PPP1R12B: variants seen among roughly 807,000 people sequenced by gnomAD.
PPP1R12B encodes myosin phosphatase target subunit 2.
A neutral mutation model predicts 126.1 loss-of-function variants in PPP1R12B; 76 were observed. The observed-to-expected ratio is 0.60, with a 90% CI of 0.50 to 0.73. The LOEUF (loss-of-function observed/expected upper bound fraction) is 0.73, where lower values mean the gene tolerates loss of function less well. PPP1R12B is among the 30% of genes least tolerant of loss of function. The probability of loss-of-function intolerance (pLI) is 0.00; values close to 1 mark genes in which losing one functional copy is unlikely to be tolerated. For missense variants in PPP1R12B, 1,052 were observed against 1,205.1 expected, an observed-to-expected ratio of 0.87 and a Z score of 1.88; for synonymous variants, 356 against 434.7, an observed-to-expected ratio of 0.82 and a Z score of 2.25.
chr1:202,449,069 T>A lies in PPP1R12B; in HGVS notation c.1748T>A (p.Ile583Asn). Residue 583 changes from isoleucine to asparagine, a missense_variant, in exon 13 of 24, where the codon ATC becomes AAC. Transcript: ENST00000608999. ...NVSSSTPLCVITNRPLPSTAN... is the reference protein window; with the variant it reads ...NVSSSTPLCVNTNRPLPSTAN... ...TCTTCTAGCACCCCGCTCTGTGTGA[T>A]CACCAATCGCCCTCTTCCTAGCACT... The A allele has an allele frequency of 6.2e-7, 1 of 1,613,876 alleles. No homozygotes were observed.
In PPP1R12B at chr1:202,390,086, T is replaced by C. The variant is rs189757914; in HGVS notation, c.292-26701T>C. 6.6e-5 allele frequency among the ~76,000 whole-genome samples: 10 copies of C among 152,224 alleles called. No homozygotes were observed. The Middle Eastern group carries it at 0.01, about 155-fold the overall frequency. ...AGACAGTGTGGTATCAGCACAAAGGTAGACAAGTACATCAATGGAATAGAA... is the reference window on the plus strand; with the variant it reads ...AGACAGTGTGGTATCAGCACAAAGGCAGACAAGTACATCAATGGAATAGAA... On this transcript the variant is annotated intron_variant, in intron 1 of 23. Coordinates refer to ENST00000608999, the MANE Select transcript of PPP1R12B (RefSeq NM_002481.4).
chr1:202,381,800 C>T (rs1417837457), intron 1 of PPP1R12B, among the ~76,000 whole-genome samples: 2 of 152,056 alleles, frequency 1.3e-5, no homozygotes, highest in East Asian at 1.9e-4. Flanking sequence ...TTCTCATGGA[C>T]TAGTGAGTAG....
At chr1:202,502,048 T>C in intron 18 of PPP1R12B, 4 of 985,276 alleles carry the variant, frequency 4.1e-6, no homozygotes, top group Non-Finnish European at 4.8e-6. Flanking sequence ...TTTCATACTT[T>C]TCTTTTCCCC....
At chr1:202,558,768 G>T in intron 18 of PPP1R12B, 109 bp from the exon 19 acceptor site, 2 of 713,468 alleles carry the variant, frequency 2.8e-6, no homozygotes, top group Non-Finnish European at 4.7e-6. Context: ...TCAGCCATCT[G>T]ATTTGAAAAG....
At chr1:202,413,182 G>T (rs2696962) in intron 1 of PPP1R12B, among the ~76,000 whole-genome samples, 147,659 of 151,928 alleles carry the variant, frequency 0.97, 71,848 homozygotes, top group East Asian at 1. Context: ...TAGATTGACA[G>T]TTTTAGCTAA....
At chr1:202,392,194 G>A (rs1356699033) in intron 1 of PPP1R12B, among the ~76,000 whole-genome samples, 2 of 152,018 alleles carry the variant, frequency 1.3e-5, no homozygotes, top group Non-Finnish European at 2.9e-5. Flanking sequence ...AATGTTAATG[G>A]CAGCATTATT....
At chr1:202,503,640 G>A (rs1386394126) in intron 18 of PPP1R12B, among the ~76,000 whole-genome samples, 1 of 152,206 alleles carries the variant, frequency 6.6e-6, no homozygotes, top group Non-Finnish European at 1.5e-5. Context: ...AAATTGAGGA[G>A]AAGGGGAAGA....
chr1:202,384,419 A>G (rs1662805999), intron 1 of PPP1R12B, among the ~76,000 whole-genome samples: 1 of 152,266 alleles, frequency 6.6e-6, no homozygotes, highest in Non-Finnish European at 1.5e-5. Flanking sequence ...ATAGACCATG[A>G]AAACATTACG....
At chr1:202,423,287 C>G (rs555504370) in intron 3 of PPP1R12B, among the ~76,000 whole-genome samples, 6 of 152,086 alleles carry the variant, frequency 3.9e-5, no homozygotes, top group African/African-American at 7.2e-5. Flanking sequence ...ATTTTTCAAC[C>G]TGGAAGTCCC....
chr1:202,543,110 T>C (rs112594126), intron 18 of PPP1R12B, among the ~76,000 whole-genome samples: 2 of 152,072 alleles, frequency 1.3e-5, no homozygotes, highest in African/African-American at 4.8e-5. Flanking sequence ...AGAGAATATT[T>C]TGGACACTGT....
At chr1:202,485,011 G>A (rs1677887197) in intron 13 of PPP1R12B, among the ~76,000 whole-genome samples, 1 of 152,218 alleles carries the variant, frequency 6.6e-6, no homozygotes, top group East Asian at 1.9e-4. Flanking sequence ...TGGTTCTGCA[G>A]CGGTCTGAGG....
At chr1:202,531,473 T>A (rs1683941311) in intron 18 of PPP1R12B, among the ~76,000 whole-genome samples, 1 of 152,148 alleles carries the variant, frequency 6.6e-6, no homozygotes, top group African/African-American at 2.4e-5. Context: ...TTACAGTACT[T>A]TGTATATCCC....
At position 202,428,775 on chromosome 1, in the gene PPP1R12B, T is replaced by G. The variant is rs1024060312; in HGVS notation, c.847-80T>G. On this transcript the variant is annotated intron_variant, in intron 5 of 23. Transcript: ENST00000608999. ...TGGAGTCAAAGGCAAAAAGTGACTTTTGAATAGTTCCCTACTAATAAAGTC... is the reference window on the plus strand; with the variant it reads ...TGGAGTCAAAGGCAAAAAGTGACTTGTGAATAGTTCCCTACTAATAAAGTC... 16 of 1,375,892 alleles carry G rather than the reference T, an allele frequency of 1.2e-5. No homozygotes were observed. The African/African-American group carries it at 2.0e-4, about 18-fold the overall frequency. 85.2% of individuals were successfully genotyped at this position (1,375,892 alleles called of 1,614,324 possible).
At chr1:202,468,495 G>C (rs1024105726) in intron 13 of PPP1R12B, among the ~76,000 whole-genome samples, 5 of 152,110 alleles carry the variant, frequency 3.3e-5, no homozygotes, top group Non-Finnish European at 7.3e-5. Flanking sequence ...ATTCTGCCCA[G>C]ATCATCCCCT....
At chr1:202,576,391 C>CT (rs985942098) in intron 23 of PPP1R12B, 46 of 152,242 alleles carry the variant, frequency 3.0e-4, no homozygotes, top group African/African-American at 1.1e-3. Context: ...CCTGTTCTTT[C>CT]TTTCAGCCTA....
At chr1:202,539,870 T>C (rs1441427349) in intron 18 of PPP1R12B, 1 of 312,178 alleles carries the variant, frequency 3.2e-6, no homozygotes, top group East Asian at 8.5e-5. Flanking sequence ...CTCAGCACAA[T>C]ACCCTCTACG....
In PPP1R12B at chr1:202,446,244, A is replaced by C. The variant is rs1332259397; in HGVS notation, c.1668-2745A>C. Among the ~76,000 whole-genome samples, 19 of 47,048 alleles carry C rather than the reference A, an allele frequency of 4.0e-4. 1 individual carries two copies. The highest frequency in any genetic ancestry group is 2.9e-3 in the South Asian group (4 of 1,356). The allele number at this position is 47,048 out of a possible 152,430, so 30.9% of individuals were successfully genotyped here. On this transcript the variant is annotated intron_variant, in intron 12 of 23. Coordinates refer to ENST00000608999, the MANE Select transcript of PPP1R12B (RefSeq NM_002481.4). ...TCTCTCTCTCTCTCTCTCTATATAT[A>C]TATATATATATATTTTTTTTTTTTT...
intron 18 of PPP1R12B, among the ~76,000 whole-genome samples, chr1:202,554,256 A>T (rs556387947): frequency 6.6e-6 from 1 of 152,350 alleles, no homozygotes; most frequent in East Asian, 1.9e-4. Flanking sequence ...GGAATTAAAC[A>T]TTAAACCCTA....
chr1:202,413,733 T>C (rs1278907534), intron 1 of PPP1R12B, among the ~76,000 whole-genome samples: 2 of 152,180 alleles, frequency 1.3e-5, no homozygotes, highest in East Asian at 3.8e-4. Context: ...AATAGTGATA[T>C]TGTTTTACAT....
Sources: gnomAD v4.1 joint callset for allele counts (sites outside exome capture counted in the v4.1 genomes callset) on GRCh38, gnomAD v4.1.1 for gene constraint, MANE v1.5 for transcripts, NCBI Gene and HGNC (gene_info 2026-07-23, HGNC 2026-07-21) for gene names.